MEGF10: variants seen among roughly 807,000 people sequenced by gnomAD.
The protein encoded by MEGF10 is multiple EGF like domains 10, also known as multiple epidermal growth factor-like domains protein 10.
In MEGF10, 86 loss-of-function variants were observed where a neutral mutation model predicts 147.5. The observed-to-expected ratio is 0.58, with a 90% CI of 0.49 to 0.70. The LOEUF (loss-of-function observed/expected upper bound fraction) is 0.70. Among genes scored for constraint, MEGF10 ranks in the 30% least tolerant of loss-of-function variants. The pLI, the probability that MEGF10 is intolerant of heterozygous loss-of-function variation, is 0.00. For missense variants in MEGF10, 1,329 were observed against 1,487.3 expected, an observed-to-expected ratio of 0.89 and a Z score of 1.75; for synonymous variants, 478 against 525.5, an observed-to-expected ratio of 0.91 and a Z score of 1.24.
intron 1 of MEGF10, among the ~76,000 whole-genome samples, chr5:127,313,654 C>A (rs910743913): frequency 2.0e-5 from 3 of 152,114 alleles, no homozygotes; most frequent in African/African-American, 7.2e-5. Context: ...CCTTTTCCTC[C>A]ATTGATGTTA....
intron 2 of MEGF10, among the ~76,000 whole-genome samples, chr5:127,337,791 C>G (rs1213308974): frequency 6.6e-6 from 1 of 151,950 alleles, no homozygotes; most frequent in Non-Finnish European, 1.5e-5. Flanking sequence ...TCATGAGGAC[C>G]CAGGGAAGTG....
the MEGF10 span, among the ~76,000 whole-genome samples, chr5:127,259,875 G>A: frequency 2.6e-5 from 4 of 152,132 alleles, no homozygotes; most frequent in African/African-American, 9.7e-5. Context: ...TTCAAGAGGT[G>A]GCCGGGCACG....
the MEGF10 span, among the ~76,000 whole-genome samples, chr5:127,237,500 TAA>T: frequency 6.6e-6 from 1 of 151,120 alleles, no homozygotes; most frequent in African/African-American, 2.4e-5. Flanking sequence ...TCCAAAAAAA[TAA>T]AAAAAAGTTA....
At chr5:127,230,141 A>G in the MEGF10 span, among the ~76,000 whole-genome samples, 3 of 152,030 alleles carry the variant, frequency 2.0e-5, no homozygotes, top group African/African-American at 7.2e-5. Flanking sequence ...TACTATGGCC[A>G]TCGGCAGCAA....
At chr5:127,304,038 T>C (rs1759898554) in intron 1 of MEGF10, among the ~76,000 whole-genome samples, 1 of 152,218 alleles carries the variant, frequency 6.6e-6, no homozygotes, top group African/African-American at 2.4e-5. Context: ...GTCACTTCTG[T>C]TTTTAACTGA....
chr5:127,263,853 A>G, the MEGF10 span, among the ~76,000 whole-genome samples: 1 of 152,168 alleles, frequency 6.6e-6, no homozygotes, highest in African/African-American at 2.4e-5. Flanking sequence ...GATTCCACAC[A>G]TGGTTACATT....
chr5:127,282,451 ACT>A, the MEGF10 span, among the ~76,000 whole-genome samples: 1 of 152,022 alleles, frequency 6.6e-6, no homozygotes, highest in African/African-American at 2.4e-5. Context: ...ATTATGATTT[ACT>A]CTCTGAGACT....
chr5:127,423,916 GC>G (rs1232235857), intron 13 of MEGF10, among the ~76,000 whole-genome samples: 2 of 151,980 alleles, frequency 1.3e-5, no homozygotes, highest in East Asian at 3.9e-4. Flanking sequence ...CATTGCTTGT[GC>G]TTTTGGTGTT....
At chr5:127,408,883 C>A (rs1328403344) in intron 8 of MEGF10, among the ~76,000 whole-genome samples, 1 of 152,104 alleles carries the variant, frequency 6.6e-6, no homozygotes, top group Admixed American at 6.6e-5. Context: ...TTGAAACCAG[C>A]CTGGGTAACA....
intron 19 of MEGF10, chr5:127,444,677 T>C (rs1765875096): frequency 6.6e-6 from 1 of 152,230 alleles, no homozygotes; most frequent in Admixed American, 6.5e-5. Context: ...AACTATGTAA[T>C]GCCCAATTTT....
At chr5:127,327,157 C>A (rs1286290207) in intron 1 of MEGF10, among the ~76,000 whole-genome samples, 1 of 152,164 alleles carries the variant, frequency 6.6e-6, no homozygotes, top group East Asian at 1.9e-4. Flanking sequence ...TGGGCTGTTT[C>A]CCTTTCTAAT....
Position 127,454,118 on chromosome 5 carries a change from G to T in MEGF10, c.2981-448G>T, listed in dbSNP as rs142743932. 2.6e-3 allele frequency among the ~76,000 whole-genome samples: 395 copies of T among 152,314 alleles called. 6 individuals are homozygous for T. The highest frequency in any genetic ancestry group is 9.1e-3 in the African/African-American group (378 of 41,568). ...AAAGTATTAGTCAACAGTGTTCGAA[G>T]CTTCCAGTCTCCAGAAAACATGCTT... On this transcript the variant is annotated intron_variant, in intron 22 of 24. Transcript: ENST00000503335.
intron 24 of MEGF10, among the ~76,000 whole-genome samples, chr5:127,456,156 C>T (rs78714653): frequency 0.02 from 3,061 of 152,118 alleles, 51 homozygotes; most frequent in Non-Finnish European, 0.029. Flanking sequence ...TCTACTTAGC[C>T]GAAACAAATG....
At position 127,449,134 on chromosome 5, in the gene MEGF10, T is replaced by G; in HGVS notation, c.2892T>G (p.Asn964Lys). ...KNNQLFVNLK[N>K]VNPGKRGPVG... is the part of the protein sequence containing the mutation. ...ATCAACTGTTTGTGAATCTTAAAAA[T>G]GTGAACCCTGGGAAGAGAGGCCCTG... is the stretch of plus-strand genomic sequence containing the variant. Residue 964 changes from asparagine to lysine, a missense_variant, in exon 22 of 25, where the codon AAT becomes AAG. Asn to Lys is a moderately conservative substitution (Grantham distance 94). This residue lies in a region of MEGF10 where 343 missense variants were observed against 377.9 expected (regional missense o/e 0.91). Transcript: ENST00000503335. The G allele has an allele frequency of 6.2e-7, 1 of 1,614,176 alleles. No individual in the cohort carries two copies. Among genetic ancestry groups the G allele is most frequent in the South Asian group, 1.1e-5 (1 of 91,080 alleles).
At chr5:127,271,600 G>A in the MEGF10 span, among the ~76,000 whole-genome samples, 13 of 151,966 alleles carry the variant, frequency 8.6e-5, no homozygotes, top group African/African-American at 3.1e-4. Context: ...TCATGGGAGG[G>A]ACCCAGTGGG....
chr5:127,346,762 G>T, intron 4 of MEGF10, among the ~76,000 whole-genome samples: 1 of 152,048 alleles, frequency 6.6e-6, no homozygotes, highest in Non-Finnish European at 1.5e-5. Flanking sequence ...TTGCTTTTGC[G>T]TTCTTGGTCA....
At chr5:127,412,355 T>C (rs558308006) in intron 9 of MEGF10, among the ~76,000 whole-genome samples, 1 of 152,250 alleles carries the variant, frequency 6.6e-6, no homozygotes, top group South Asian at 2.1e-4. Flanking sequence ...TGGAGCCATC[T>C]ATCTAGTTCT....
intron 2 of MEGF10, among the ~76,000 whole-genome samples, chr5:127,335,095 TAAAC>T (rs1336436910): frequency 6.6e-6 from 1 of 152,166 alleles, no homozygotes; most frequent in Non-Finnish European, 1.5e-5. Context: ...TTGAGAAGAT[TAAAC>T]AAACAAACAG....
At chr5:127,392,984 C>A (rs938129536) in intron 5 of MEGF10, among the ~76,000 whole-genome samples, 5 of 152,298 alleles carry the variant, frequency 3.3e-5, no homozygotes, top group Non-Finnish European at 5.9e-5. Context: ...AGAACTGAAA[C>A]CAGAGGCTGA....
Sources: gnomAD v4.1 joint callset for allele counts (sites outside exome capture counted in the v4.1 genomes callset) on GRCh38, gnomAD v4.1.1 for gene constraint, gnomAD v4.1.1 regional missense constraint, MANE v1.5 for transcripts, NCBI Gene and HGNC (gene_info 2026-07-23, HGNC 2026-07-21) for gene names.